Variants in DPH7 observed in about 807,000 individuals in gnomAD.
DPH7 encodes the protein diphthamide biosynthesis 7.
DPH7 carries 44 observed loss-of-function variants against 41.7 expected under a neutral mutation model. The ratio of observed to expected loss-of-function variants is 1.05; its 90% CI spans 0.83 to 1.36. The LOEUF (loss-of-function observed/expected upper bound fraction) is 1.36, where lower values mean the gene tolerates loss of function less well. Ranked by LOEUF, DPH7 falls within the 40% of genes most tolerant of loss-of-function variation. The pLI is 0.00. For missense variants in DPH7, 629 were observed against 577.5 expected (o/e 1.09, Z -0.91); for synonymous variants, 275 against 238.0 (o/e 1.16, Z -1.43).
At chr9:137,559,016 G>T (rs1196513767) in intron 8 of DPH7, among the ~76,000 whole-genome samples, 1 of 152,186 alleles carries the variant, frequency 6.6e-6, no homozygotes, top group Non-Finnish European at 1.5e-5. Flanking sequence ...CGAGGCAAGA[G>T]ACCGAGGACA....
intron 5 of DPH7, among the ~76,000 whole-genome samples, chr9:137,573,773 G>GA (rs766954908): frequency 7.4e-6 from 1 of 135,598 alleles, no homozygotes; most frequent in African/African-American, 2.8e-5. Flanking sequence ...CTCCAAAAAA[G>GA]AAAAAAAATA....
chr9:137,557,447 A>G (rs1383160791), intron 8 of DPH7, among the ~76,000 whole-genome samples: 1 of 152,094 alleles, frequency 6.6e-6, no homozygotes, highest in African/African-American at 2.4e-5. Context: ...TGGAGGTTGC[A>G]TGAGCCAAGA....
chr9:137,576,302 T>A, intron 2 of DPH7, 135 bp from the exon 3 acceptor site: 1 of 695,730 alleles, frequency 1.4e-6, no homozygotes, highest in South Asian at 1.6e-5. Flanking sequence ...GACATCCTAC[T>A]ACACACCTTG....
intron 5 of DPH7, among the ~76,000 whole-genome samples, chr9:137,572,874 G>A (rs940675078): frequency 7.2e-5 from 11 of 152,170 alleles, no homozygotes; most frequent in Admixed American, 2.6e-4. Context: ...CCAACATGGC[G>A]AAGTCACTAT....
chr9:137,574,211 A>C lies in DPH7; in HGVS notation c.637T>G (p.Ser213Ala). 1 of 1,614,096 alleles carries C rather than the reference A, an allele frequency of 6.2e-7. No homozygotes were observed. Among genetic ancestry groups the C allele is most frequent in the Non-Finnish European group, 8.5e-7 (1 of 1,179,996 alleles). ...TGACCGGTGGAGGAATACTGACCTG[A>C]ATACACAATTTCTGGATGCCAGTAA... Reference protein sequence around the residue: ...FNYWHPEIVYSGGDDGLLRGW... With the variant: ...FNYWHPEIVYAGGDDGLLRGW... Residue 213 changes from serine to alanine, a missense_variant, in exon 5 of 9, where the codon TCA becomes GCA. Transcript: ENST00000277540.
chr9:137,578,515 G>T, intron 1 of DPH7, 110 bp downstream of exon 1: 1 of 1,233,022 alleles, frequency 8.1e-7, no homozygotes, highest in South Asian at 1.7e-5. Flanking sequence ...CCTACCTCCT[G>T]GCCAAAGGGC....
In DPH7 at chr9:137,560,670, C is replaced by T. The variant is rs989541681; in HGVS notation, c.949+3764G>A. On this transcript the variant is annotated intron_variant, in intron 8 of 8. Transcript: ENST00000277540. ...GAGATCAAGACCATCCTGGCTAACA[C>T]GGTGAAACCCCGTCTCTACTAAAAA... Among the ~76,000 whole-genome samples the T allele has an allele frequency of 1.1e-3, 160 of 152,158 alleles. 1 individual carries two copies. The highest frequency in any genetic ancestry group is 3.6e-3 in the Admixed American group (55 of 15,286).
At chr9:137,575,238 CAG>C (rs1841178379) in intron 3 of DPH7, 4 of 1,000,548 alleles carry the variant, frequency 4.0e-6, no homozygotes, top group Non-Finnish European at 4.8e-6. Context: ...CCTCCCGAGA[CAG>C]AGACAATGGG....
In DPH7 at chr9:137,556,775, G is replaced by A. The variant is rs557581787; in HGVS notation, c.950-1127C>T. The A allele has an allele frequency of 3.5e-5, 16 of 455,408 alleles. No homozygotes were observed. Among genetic ancestry groups the A allele is most frequent in the East Asian group, 1.4e-4 (2 of 14,358 alleles). The allele number at this position is 455,408 out of a possible 1,614,324, so 28.2% of individuals were successfully genotyped here. On this transcript the variant is annotated intron_variant, in intron 8 of 8. Coordinates refer to ENST00000277540, the MANE Select transcript of DPH7 (RefSeq NM_138778.5). The surrounding 1 kb of genome is among the most constrained non-coding windows in gnomAD (Gnocchi z 5.2). ...TCCGCTAGTCTTTCATCCAGCAATC[G>A]CTCAACACGTCCACTCGGGCCAGCA...
rs1208646896 is a variant in DPH7 at position 137,556,360 on chromosome 9, G to C, written c.950-712C>G. Among the ~76,000 whole-genome samples the C allele has an allele frequency of 6.6e-6, 1 of 152,240 alleles. No homozygotes were observed. The highest frequency in any genetic ancestry group is 1.5e-5 in the Non-Finnish European group (1 of 68,036). On this transcript the variant is annotated intron_variant, in intron 8 of 8. Coordinates refer to ENST00000277540, the MANE Select transcript of DPH7 (RefSeq NM_138778.5). This position sits in a 1 kb window ranked among gnomAD's most constrained non-coding sequence, Gnocchi z 5.2. Reference sequence around the variant, plus strand: ...TGGCAGGGGCAGTTGCAGAGAGCAAGTGGAAGGTGAGCCAGGGGCTGCAAG... The same window carrying C: ...TGGCAGGGGCAGTTGCAGAGAGCAACTGGAAGGTGAGCCAGGGGCTGCAAG...
intron 8 of DPH7, among the ~76,000 whole-genome samples, chr9:137,561,433 G>A (rs1425383974): frequency 6.0e-5 from 9 of 151,232 alleles, no homozygotes; most frequent in African/African-American, 1.5e-4. Context: ...CCAGCTACTC[G>A]GGAGGCTGAG....
At chr9:137,574,484 C>G in intron 4 of DPH7, 104 bp from the exon 5 acceptor site, 1 of 1,216,904 alleles carries the variant, frequency 8.2e-7, no homozygotes, top group Non-Finnish European at 1.2e-6. Context: ...CCCTGGGATG[C>G]GGATATGCCC....
At chr9:137,574,691 T>G in intron 4 of DPH7, 61 bp downstream of exon 4, 2 of 1,543,174 alleles carry the variant, frequency 1.3e-6, no homozygotes, top group East Asian at 4.5e-5. Flanking sequence ...CCCTCTAGCC[T>G]GAAAAGTGGA....
intron 5 of DPH7, 110 bp from the exon 6 acceptor site, chr9:137,565,264 A>T: frequency 5.2e-6 from 5 of 954,754 alleles, no homozygotes; most frequent in Non-Finnish European, 7.6e-6. Flanking sequence ...TCTGTGAGGA[A>T]GCTCCCCGGG....
At chr9:137,573,508 C>A (rs1013443400) in intron 5 of DPH7, among the ~76,000 whole-genome samples, 1 of 147,750 alleles carries the variant, frequency 6.8e-6, no homozygotes, top group African/African-American at 2.5e-5. Context: ...GAAACCCCAT[C>A]TCTCTAAAAA....
At chr9:137,560,824 C>A (rs1838398428) in intron 8 of DPH7, among the ~76,000 whole-genome samples, 1 of 148,056 alleles carries the variant, frequency 6.8e-6, no homozygotes, top group South Asian at 2.1e-4. Flanking sequence ...CCACTGCACT[C>A]CAGCCTGGGT....
At chr9:137,560,461 C>T (rs1327706479) in intron 8 of DPH7, among the ~76,000 whole-genome samples, 1 of 152,218 alleles carries the variant, frequency 6.6e-6, no homozygotes, top group Non-Finnish European at 1.5e-5. Flanking sequence ...TGGCTCATAC[C>T]TGTAATCCCA....
chr9:137,574,752 C>A lies in DPH7; in HGVS notation c.467G>T (p.Arg156Met), dbSNP rs1841086714. 6.2e-7 allele frequency: 1 copy of A among 1,613,928 alleles called. No individual in the cohort carries two copies. Among genetic ancestry groups the A allele is most frequent in the African/African-American group, 1.3e-5 (1 of 75,028 alleles). The part of the protein sequence containing the change: ...SLDWSTGKTG[R>M]AGDQPLKIIS... ...ACCCCTGACCAAGCCTGGCCCTTAC[C>A]TTCCAGTTTTCCCAGTGGACCAATC... The change falls in exon 4 of 9, where the codon AGG becomes ATG. Residue 156 changes from arginine to methionine, a missense_variant and splice_region_variant. Physicochemically the swap from Arg to Met is moderately conservative, Grantham distance 91. Transcript: ENST00000277540.
chr9:137,555,648 T>C lies in DPH7; in HGVS notation c.950A>G (p.Glu317Gly). Residue 317 changes from glutamate to glycine, a missense_variant and splice_region_variant, in exon 9 of 9, where the codon GAG (glutamate) becomes GGG (glycine). Coordinates refer to ENST00000277540, the MANE Select transcript of DPH7 (RefSeq NM_138778.5). Reference protein sequence around the residue: ...FKILNCQKAMEERQEATVLTS... With the variant: ...FKILNCQKAMGERQEATVLTS... ...CAGGACCGTCGCCTCCTGCCTCTCC[T>C]CTGGAGTGAGAGATGGGAGAACCCA... 6.3e-7 allele frequency: 1 copy of C among 1,586,328 alleles called. No homozygotes were observed. Among genetic ancestry groups the C allele is most frequent in the African/African-American group, 1.3e-5 (1 of 74,336 alleles).
Sources: gnomAD v4.1 joint callset for allele counts (sites outside exome capture counted in the v4.1 genomes callset) on GRCh38, gnomAD v4.1.1 for gene constraint, Gnocchi (gnomAD v3.1) non-coding constraint, MANE v1.5 for transcripts, NCBI Gene and HGNC (gene_info 2026-07-23, HGNC 2026-07-21) for gene names.